Variants in FAM227B observed in about 807,000 individuals in gnomAD.
FAM227B encodes protein FAM227B.
A neutral mutation model predicts 73.8 loss-of-function variants in FAM227B; 88 were observed. The ratio of observed to expected loss-of-function variants is 1.19; its 90% CI spans 1.00 to 1.42. The LOEUF (loss-of-function observed/expected upper bound fraction) is 1.42. FAM227B is among the 40% of genes most tolerant of loss of function. FAM227B has a pLI of 0.00. For missense variants in FAM227B, 632 were observed against 590.9 expected (o/e 1.07, Z -0.72); for synonymous variants, 210 against 190.5 (o/e 1.10, Z -0.84).
chr15:49,498,973 C>T (rs1012138722), intron 11 of FAM227B, among the ~76,000 whole-genome samples: 4 of 151,120 alleles, frequency 2.6e-5, no homozygotes, highest in East Asian at 2.0e-4. Context: ...GAGACCATCC[C>T]GGCTAAAACG....
chr15:49,338,527 A>G (rs2040166389), intron 13 of FAM227B, among the ~76,000 whole-genome samples: 1 of 152,306 alleles, frequency 6.6e-6, no homozygotes, highest in South Asian at 2.1e-4. Context: ...CTTTGTGGGT[A>G]ACCCAACCTT....
intron 10 of FAM227B, among the ~76,000 whole-genome samples, chr15:49,516,989 T>G (rs972401357): frequency 1.3e-5 from 2 of 152,164 alleles, no homozygotes; most frequent in African/African-American, 2.4e-5. Flanking sequence ...AGAGAGCTTT[T>G]AGAAGCTACA....
chr15:49,419,877 C>T (rs956463128), intron 11 of FAM227B, among the ~76,000 whole-genome samples: 7 of 152,054 alleles, frequency 4.6e-5, no homozygotes, highest in African/African-American at 1.7e-4. Context: ...GGAAAGCTTA[C>T]ATATTGCCAC....
intron 11 of FAM227B, among the ~76,000 whole-genome samples, chr15:49,489,848 T>TATATATA (rs1346056805): frequency 5.9e-5 from 1 of 16,978 alleles, no homozygotes; most frequent in East Asian, 3.8e-3. Flanking sequence ...ATTTTATATA[T>TATATATA]ATATATATAT....
rs961588910 is a variant in FAM227B, at chr15:49,463,530, G to A, written c.1012+44681C>T. Among the ~76,000 whole-genome samples the A allele has an allele frequency of 1.1e-4, 15 of 138,184 alleles. 1 individual carries two copies. Among genetic ancestry groups the A allele is most frequent in the African/African-American group, 1.7e-4 (6 of 35,602 alleles). The allele number at this position is 138,184 out of a possible 152,430, so 90.7% of individuals were successfully genotyped here. On this transcript the variant is annotated intron_variant, in intron 11 of 15. Coordinates refer to ENST00000299338, the MANE Select transcript of FAM227B (RefSeq NM_152647.3). ...TGTGCCACTGCACTCCAGCCTAGGC[G>A]ACACAGTGAGATTCCGTCTCAAAAA...
At chr15:49,401,807 C>T (rs2048173013) in intron 11 of FAM227B, among the ~76,000 whole-genome samples, 1 of 129,556 alleles carries the variant, frequency 7.7e-6, no homozygotes, top group Non-Finnish European at 1.6e-5. Context: ...ACAATGAGAT[C>T]ACATGGACAC....
intron 5 of FAM227B, among the ~76,000 whole-genome samples, chr15:49,583,165 G>A (rs1461424260): frequency 6.8e-6 from 1 of 147,596 alleles, no homozygotes; most frequent in Non-Finnish European, 1.5e-5. Context: ...AAAAAAAATT[G>A]AGAAGATCAA....
intron 13 of FAM227B, among the ~76,000 whole-genome samples, chr15:49,355,554 G>C (rs986123979): frequency 2.0e-5 from 3 of 152,188 alleles, no homozygotes; most frequent in Admixed American, 6.5e-5. Flanking sequence ...AGAATAAAAA[G>C]AAATGAGCAA....
chr15:49,369,838 A>T (rs2151470633), intron 12 of FAM227B, among the ~76,000 whole-genome samples: 1 of 152,304 alleles, frequency 6.6e-6, no homozygotes, highest in South Asian at 2.1e-4. Flanking sequence ...ATATTTGAAA[A>T]CAGTTATTAT....
chr15:49,396,126 T>C (rs554508103), intron 11 of FAM227B: 24 of 389,682 alleles, frequency 6.2e-5, no homozygotes, highest in South Asian at 1.5e-4. Context: ...TGGGCGCAGG[T>C]CAGTGGGTGT....
intron 11 of FAM227B, among the ~76,000 whole-genome samples, chr15:49,427,525 T>G (rs1190702071): frequency 6.6e-6 from 1 of 152,022 alleles, no homozygotes; most frequent in African/African-American, 2.4e-5. Context: ...TAAGTTAGTA[T>G]AGATTTTAGT....
At chr15:49,435,868 C>T (rs1455438827) in intron 11 of FAM227B, among the ~76,000 whole-genome samples, 5 of 151,414 alleles carry the variant, frequency 3.3e-5, no homozygotes, top group African/African-American at 1.2e-4. Flanking sequence ...ATTTAGTCTG[C>T]AAAATCTTAC....
intron 11 of FAM227B, chr15:49,486,005 C>T (rs1200468477): frequency 6.6e-6 from 1 of 151,950 alleles, no homozygotes; most frequent in Non-Finnish European, 1.5e-5. Context: ...CTACAGATAA[C>T]AGGATTATTA....
Position 49,568,240 on chromosome 15 carries a change from C to T in FAM227B, c.747+5G>A. 6.3e-7 allele frequency: 1 copy of T among 1,597,602 alleles called. No homozygotes were observed. The highest frequency in any genetic ancestry group is 8.5e-7 in the Non-Finnish European group (1 of 1,170,744). On this transcript the variant is annotated splice_donor_5th_base_variant and intron_variant, in intron 9 of 15. Transcript: ENST00000299338. ...ATTAGCATAACTGTTAATTTCAATG[C>T]TTACCTGAAAAAATGCATCCTTTCG...
At chr15:49,495,947 C>A (rs891374943) in intron 11 of FAM227B, among the ~76,000 whole-genome samples, 3 of 151,978 alleles carry the variant, frequency 2.0e-5, no homozygotes, top group Non-Finnish European at 2.9e-5. Flanking sequence ...TGCTTGAACC[C>A]GGGAGGCAGA....
chr15:49,328,890 T>C, intron 15 of FAM227B: 1 of 1,281,954 alleles, frequency 7.8e-7, no homozygotes, highest in South Asian at 2.7e-5. Context: ...CCCTGAGCTA[T>C]CTCCATTACT....
At chr15:49,594,452 G>T (rs2076777390) in intron 3 of FAM227B, among the ~76,000 whole-genome samples, 1 of 151,892 alleles carries the variant, frequency 6.6e-6, no homozygotes, top group African/African-American at 2.4e-5. Context: ...TATTTATCTT[G>T]GTTTTTGTTG....
intron 11 of FAM227B, among the ~76,000 whole-genome samples, chr15:49,494,252 C>A (rs1597586359): frequency 1.3e-5 from 1 of 74,844 alleles, no homozygotes; most frequent in Non-Finnish European, 3.6e-5. Context: ...GTGGGAGACA[C>A]ACAAACACAC....
intron 11 of FAM227B, chr15:49,422,714 C>A: frequency 7.8e-7 from 1 of 1,274,586 alleles, no homozygotes; most frequent in Non-Finnish European, 1.1e-6. Flanking sequence ...TCACTTTCAG[C>A]CTAGGAATAT....
Sources: allele counts gnomAD v4.1 joint callset (sites outside exome capture counted in the v4.1 genomes callset), GRCh38; gene constraint gnomAD v4.1.1; transcripts MANE v1.5; gene names NCBI Gene and HGNC (gene_info 2026-07-23, HGNC 2026-07-21).